PDE4D: variants seen among roughly 807,000 people sequenced by gnomAD.
PDE4D encodes phosphodiesterase 4D.
PDE4D carries 24 observed loss-of-function variants against 87.4 expected under a neutral mutation model. The observed-to-expected ratio is 0.27, with a 90% confidence interval of 0.20 to 0.39. The LOEUF is 0.39. Among genes scored for constraint, PDE4D ranks in the 10% least tolerant of loss-of-function variants. The pLI is 1.00. For missense variants in PDE4D, 714 were observed against 1,041.0 expected (o/e 0.69, Z 4.32); for synonymous variants, 384 against 383.2 (o/e 1.00, Z -0.02).
intron 1 of PDE4D, among the ~76,000 whole-genome samples, chr5:59,680,241 C>T (rs6882607): frequency 0.072 from 10,934 of 152,150 alleles, 1,212 homozygotes; most frequent in African/African-American, 0.24. Context: ...TTACTCAGAA[C>T]TATGTTTGAA....
chr5:59,374,967 A>G (rs1784477475), intron 1 of PDE4D, among the ~76,000 whole-genome samples: 1 of 152,226 alleles, frequency 6.6e-6, no homozygotes, highest in African/African-American at 2.4e-5. Context: ...GCAGAAATCA[A>G]TAAGGTTTTT....
intron 1 of PDE4D, among the ~76,000 whole-genome samples, chr5:59,877,217 G>C (rs914656935): frequency 6.6e-6 from 1 of 152,096 alleles, no homozygotes; most frequent in African/African-American, 2.4e-5. Flanking sequence ...TGTTTTGCCT[G>C]CATGTTCGTT....
chr5:59,536,151 T>C (rs1815179581), intron 1 of PDE4D, among the ~76,000 whole-genome samples: 1 of 152,138 alleles, frequency 6.6e-6, no homozygotes. Context: ...TTTGGTAATA[T>C]TGGATACACG....
At chr5:59,285,613 T>C (rs1446453254) in intron 1 of PDE4D, among the ~76,000 whole-genome samples, 4 of 152,184 alleles carry the variant, frequency 2.6e-5, no homozygotes, top group Admixed American at 2.0e-4. Flanking sequence ...GCCAGCATCA[T>C]TGATAAGAAG....
At chr5:60,294,286 G>C (rs374695283) in intron 1 of PDE4D, among the ~76,000 whole-genome samples, 18 of 152,072 alleles carry the variant, frequency 1.2e-4, no homozygotes, top group African/African-American at 4.3e-4. Context: ...ATTTTCTTTG[G>C]TCTTTATCTT....
chr5:59,839,696 CCACCTACTCTCTCT>C (rs1391572983), intron 1 of PDE4D, among the ~76,000 whole-genome samples: 1 of 152,012 alleles, frequency 6.6e-6, no homozygotes, highest in Admixed American at 6.6e-5. Context: ...GGCATCACAT[CCACCTACTCTCTCT>C]CTTTGTGCAA....
At chr5:59,771,499 G>GAGAGAGAGAGA (rs1554081503) in intron 1 of PDE4D, among the ~76,000 whole-genome samples, 1 of 19,700 alleles carries the variant, frequency 5.1e-5, no homozygotes, top group East Asian at 1.9e-3. Flanking sequence ...GAGAGAGAGA[G>GAGAGAGAGAGA]AAGAAAGAAA....
At chr5:59,149,913 G>C (rs974598477) in intron 5 of PDE4D, among the ~76,000 whole-genome samples, 4 of 151,918 alleles carry the variant, frequency 2.6e-5, no homozygotes, top group African/African-American at 9.7e-5. Flanking sequence ...GTGTAATCCT[G>C]ATTCAGGGTG....
At chr5:60,088,743 G>A (rs910918624) in intron 2 of PDE4D, among the ~76,000 whole-genome samples, 6 of 151,664 alleles carry the variant, frequency 4.0e-5, no homozygotes, top group Non-Finnish European at 5.9e-5. Context: ...GAGAGAGAGA[G>A]AAAAAGAAAG....
At chr5:59,024,993 C>G (rs974684727) in intron 6 of PDE4D, among the ~76,000 whole-genome samples, 1 of 151,636 alleles carries the variant, frequency 6.6e-6, no homozygotes, top group African/African-American at 2.4e-5. Context: ...TATTGATTAC[C>G]TAATTTATGA....
chr5:59,845,251 G>A (rs1209761123), intron 1 of PDE4D, among the ~76,000 whole-genome samples: 1 of 152,064 alleles, frequency 6.6e-6, no homozygotes, highest in Non-Finnish European at 1.5e-5. Context: ...GGTAGTTTCT[G>A]ACCCAGCAAT....
chr5:60,208,626 C>T (rs1345316580), intron 1 of PDE4D, among the ~76,000 whole-genome samples: 2 of 152,146 alleles, frequency 1.3e-5, no homozygotes, highest in African/African-American at 4.8e-5. Flanking sequence ...GCCAGTGCTG[C>T]CAGATTTTAA....
chr5:60,187,388 T>C (rs1044191901), intron 1 of PDE4D, among the ~76,000 whole-genome samples: 1 of 152,154 alleles, frequency 6.6e-6, no homozygotes, highest in Non-Finnish European at 1.5e-5. Flanking sequence ...AATGAAATAT[T>C]CCATATCTAG....
chr5:59,488,676 CTT>C (rs11412476), intron 1 of PDE4D, among the ~76,000 whole-genome samples: 4 of 144,812 alleles, frequency 2.8e-5, no homozygotes, highest in Admixed American at 1.4e-4. Flanking sequence ...AGATAATCTT[CTT>C]TTTTTTTTTT....
chr5:59,956,757 T>C (rs1315512298), intron 3 of PDE4D, among the ~76,000 whole-genome samples: 1 of 152,202 alleles, frequency 6.6e-6, no homozygotes, highest in Non-Finnish European at 1.5e-5. Flanking sequence ...TCAGTAGATA[T>C]CTTATAGTTT....
rs1433011902 is a variant in PDE4D, at chr5:60,160,874, T to C, written c.42+24683A>G. ...AAGTCACTACCTTATAAAAGACTGA[T>C]TTGAAGTTTTTCCATGTCATTTTTT... is the stretch of plus-strand genomic sequence containing the variant. On this transcript the variant is annotated intron_variant, in intron 2 of 16. Coordinates refer to the PDE4D transcript ENST00000502484. 1.7e-5 allele frequency: 7 copies of C among 416,404 alleles called. No individual in the cohort carries two copies. The East Asian group carries it at 4.5e-4, about 27-fold the overall frequency. 25.8% of individuals were successfully genotyped at this position (416,404 alleles called of 1,614,324 possible). A position where few individuals can be genotyped will look rare whatever the true frequency, so the allele number is the denominator to read the frequency against.
At chr5:59,886,206 A>ATAAC (rs1750121160) in intron 1 of PDE4D, among the ~76,000 whole-genome samples, 2 of 152,264 alleles carry the variant, frequency 1.3e-5, no homozygotes, top group Admixed American at 1.3e-4. Context: ...ACTGCAATTG[A>ATAAC]TAACTGCTAG....
intron 2 of PDE4D, among the ~76,000 whole-genome samples, chr5:60,068,169 T>C (rs1772313064): frequency 6.6e-6 from 1 of 152,194 alleles, no homozygotes; most frequent in South Asian, 2.1e-4. Context: ...CTGCACCATA[T>C]TGCATTTCCA....
At chr5:60,041,861 A>G (rs1022697737) in intron 2 of PDE4D, among the ~76,000 whole-genome samples, 1 of 151,470 alleles carries the variant, frequency 6.6e-6, no homozygotes, top group Admixed American at 6.6e-5. Flanking sequence ...GGTTTTAAGC[A>G]CACAACTGGG....
Sources: allele counts gnomAD v4.1 joint callset (sites outside exome capture counted in the v4.1 genomes callset), GRCh38; gene constraint gnomAD v4.1.1; transcripts MANE v1.5; gene names NCBI Gene and HGNC (gene_info 2026-07-23, HGNC 2026-07-21).